The following ADGRB2 variants were observed in gnomAD, a reference collection of about 807,000 sequenced individuals.
ADGRB2 encodes the protein adhesion G protein-coupled receptor B2, also known as brain-specific angiogenesis inhibitor 2.
A neutral mutation model predicts 178.7 loss-of-function variants in ADGRB2; 47 were observed. The observed-to-expected ratio is 0.26, with a 90% CI of 0.21 to 0.34. The LOEUF (loss-of-function observed/expected upper bound fraction) is 0.34, where lower values mean the gene tolerates loss of function less well. Ranked by LOEUF, ADGRB2 falls within the 10% of genes least tolerant of loss-of-function variation. ADGRB2 has a pLI of 1.00. For missense variants in ADGRB2, 1,584 were observed against 2,180.8 expected (o/e 0.73, Z 5.45); for synonymous variants, 870 against 912.4 (o/e 0.95, Z 0.84).
chr1:31,737,887 T>C lies in ADGRB2; in HGVS notation c.2773-132A>G, dbSNP rs1645710510. The C allele has an allele frequency of 4.6e-6, 4 of 867,216 alleles. No homozygotes were observed. The Admixed American group carries it at 6.5e-5, about 14-fold the overall frequency. 53.7% of individuals were successfully genotyped at this position (867,216 alleles called of 1,614,324 possible). ...CAACACCTTCTTGCTGTTGTACTCA[T>C]GTATGCACAGAACAGACCCGGGTAT... On this transcript the variant is annotated intron_variant, in intron 18 of 32. Coordinates refer to ENST00000373658, the MANE Select transcript of ADGRB2 (RefSeq NM_001364857.2).
At position 31,742,827 on chromosome 1, in the gene ADGRB2, G is replaced by A; in HGVS notation, c.1252+11C>T. The A allele has an allele frequency of 6.9e-7, 1 of 1,444,700 alleles. No individual in the cohort carries two copies. The highest frequency in any genetic ancestry group is 9.2e-7 in the Non-Finnish European group (1 of 1,088,090). The allele number at this position is 1,444,700 out of a possible 1,614,324, so 89.5% of individuals were successfully genotyped here. A position where few individuals can be genotyped will look rare whatever the true frequency, so the allele number is the denominator to read the frequency against. ...GCAGCGCCCTCATGGAAGCCCACGGGTGCTACTGACCCGGGCAGGCAGCCA... is the reference window on the plus strand; with the variant it reads ...GCAGCGCCCTCATGGAAGCCCACGGATGCTACTGACCCGGGCAGGCAGCCA... On this transcript the variant is annotated intron_variant, in intron 7 of 32. Transcript: ENST00000373658.
In ADGRB2 at chr1:31,740,925, ACT is replaced by A. The variant is rs1491014930; in HGVS notation, c.1795-386_1795-385del. On this transcript the variant is annotated intron_variant, in intron 11 of 32. Coordinates refer to ENST00000373658, the MANE Select transcript of ADGRB2 (RefSeq NM_001364857.2). The surrounding 1 kb of genome is among the most constrained non-coding windows in gnomAD (Gnocchi z 5.9). The stretch of plus-strand genomic sequence containing the variant: ...CACACACACACACACACACACACAC[ACT>A]GTCTTTCTCTCTCTCACTCTCTCTC... Among the ~76,000 whole-genome samples, 972 of 138,466 alleles carry A rather than the reference ACT, an allele frequency of 7.0e-3. 4 individuals are homozygous for A. The highest frequency in any genetic ancestry group is 9.5e-3 in the Non-Finnish European group (612 of 64,574). The allele number at this position is 138,466 out of a possible 152,430, so 90.8% of individuals were successfully genotyped here. A position where few individuals can be genotyped will look rare whatever the true frequency, so the allele number is the denominator to read the frequency against.
rs1299080347 is a variant in ADGRB2 at position 31,744,809 on chromosome 1, T to G, written c.839-78A>C. The stretch of plus-strand genomic sequence containing the variant: ...TACAGTGGCACAGTGAAGGCAGCCT[T>G]CCTTGCCCTCCGCCTGAGGGCCTGG... On this transcript the variant is annotated intron_variant, in intron 4 of 32. Coordinates refer to ENST00000373658, the MANE Select transcript of ADGRB2 (RefSeq NM_001364857.2). The surrounding 1 kb of genome is among the most constrained non-coding windows in gnomAD (Gnocchi z 6.7). The G allele has an allele frequency of 6.9e-7, 1 of 1,456,970 alleles. No individual in the cohort carries two copies. Among genetic ancestry groups the G allele is most frequent in the Non-Finnish European group, 9.6e-7 (1 of 1,043,416 alleles). The allele number at this position is 1,456,970 out of a possible 1,614,324, so 90.3% of individuals were successfully genotyped here. A position where few individuals can be genotyped will look rare whatever the true frequency, so the allele number is the denominator to read the frequency against.
At chr1:31,739,701 G>A in intron 14 of ADGRB2, 66 bp from the exon 15 acceptor site, 2 of 1,500,728 alleles carry the variant, frequency 1.3e-6, no homozygotes, top group Non-Finnish European at 1.8e-6. Flanking sequence ...CAGACCAGGG[G>A]AAGAGACAGA....
chr1:31,737,443 G>C lies in ADGRB2; in HGVS notation c.2965C>G (p.Arg989Gly). The change falls in exon 20 of 33, where the codon CGG becomes GGG. Residue 989 changes from arginine (R) to glycine (G), a missense_variant. Arg to Gly is a moderately radical substitution (Grantham distance 125, BLOSUM62 -2). This residue lies in a region of ADGRB2 where 865 missense variants were observed against 1,192.8 expected (regional missense o/e 0.73). Coordinates refer to ENST00000373658, the MANE Select transcript of ADGRB2 (RefSeq NM_001364857.2). Reference protein sequence around the residue: ...SNILILVGQSRVLSKGVCTMT... With the variant: ...SNILILVGQSGVLSKGVCTMT... ...TCTGCACCTGCCTTGCTCAGCACCC[G>C]GGACTGGCCCACGAGGATCAGGATG... The C allele has an allele frequency of 6.2e-7, 1 of 1,614,032 alleles. No individual in the cohort carries two copies. Among genetic ancestry groups the C allele is most frequent in the Non-Finnish European group, 8.5e-7 (1 of 1,179,946 alleles).
intron 25 of ADGRB2, among the ~76,000 whole-genome samples, chr1:31,734,617 C>G (rs1055284151): frequency 5.3e-5 from 8 of 152,192 alleles, no homozygotes; most frequent in Admixed American, 4.6e-4. Flanking sequence ...TTGTTTTACC[C>G]TTGCATAGCT....
Position 31,727,190 on chromosome 1 carries a change from G to A in ADGRB2, c.*230C>T. 2.0e-6 allele frequency: 1 copy of A among 492,444 alleles called. No homozygotes were observed. Among genetic ancestry groups the A allele is most frequent in the Non-Finnish European group, 3.5e-6 (1 of 286,656 alleles). The allele number at this position is 492,444 out of a possible 1,614,324, so 30.5% of individuals were successfully genotyped here. On this transcript the variant is annotated 3_prime_UTR_variant, in exon 33 of 33. Transcript: ENST00000373658. This position sits in a 1 kb window ranked among gnomAD's most constrained non-coding sequence, Gnocchi z 4.4. ...AGCCCGGGACAGGGACGGACAGGCT[G>A]GGCTGAAGATGGGGTTCCAGTGGCT...
At chr1:31,746,188 C>G (rs1288507267) in intron 4 of ADGRB2, among the ~76,000 whole-genome samples, 1 of 152,168 alleles carries the variant, frequency 6.6e-6, no homozygotes, top group South Asian at 2.1e-4. Context: ...CGTGAGGACC[C>G]CCTGCCAGGA....
intron 4 of ADGRB2, among the ~76,000 whole-genome samples, chr1:31,747,995 C>T (rs1646363245): frequency 6.6e-6 from 1 of 152,246 alleles, no homozygotes. Context: ...CCTGTGTGGG[C>T]TTCCTGCCCA....
At position 31,728,363 on chromosome 1, in the gene ADGRB2, C is replaced by T; in HGVS notation, c.4417-83G>A. 5 of 1,422,954 alleles carry T rather than the reference C, an allele frequency of 3.5e-6. No individual in the cohort carries two copies. The highest frequency in any genetic ancestry group is 3.9e-6 in the Non-Finnish European group (4 of 1,023,148). 88.1% of individuals were successfully genotyped at this position (1,422,954 alleles called of 1,614,324 possible). A position where few individuals can be genotyped will look rare whatever the true frequency, so the allele number is the denominator to read the frequency against. On this transcript the variant is annotated intron_variant, in intron 30 of 32. Coordinates refer to ENST00000373658, the MANE Select transcript of ADGRB2 (RefSeq NM_001364857.2). This position sits in a 1 kb window ranked among gnomAD's most constrained non-coding sequence, Gnocchi z 6.7. ...ACCCAGGGCACTCAGCACCCCAAGC[C>T]CCCCACATCCCTCCCTGCTGCCAGC... is the stretch of plus-strand genomic sequence containing the variant.
intron 28 of ADGRB2, 123 bp downstream of exon 28, chr1:31,731,992 G>T: frequency 1.5e-6 from 2 of 1,303,386 alleles, no homozygotes; most frequent in East Asian, 2.3e-5. Context: ...GCTCAGGGCT[G>T]TCTAACTTCG....
Position 31,727,147 on chromosome 1 carries a change from T to A in ADGRB2, c.*273A>T. ...AGAGTGAAGTTTATTCCCAACAAAG[T>A]TCCCCTCCCCCCTCCCCAGCCCGGG... On this transcript the variant is annotated 3_prime_UTR_variant, in exon 33 of 33. Coordinates refer to ENST00000373658, the MANE Select transcript of ADGRB2 (RefSeq NM_001364857.2). This position sits in a 1 kb window ranked among gnomAD's most constrained non-coding sequence, Gnocchi z 4.4. 7.3e-6 allele frequency: 3 copies of A among 408,166 alleles called. No homozygotes were observed. The South Asian group carries it at 1.1e-4, about 15-fold the overall frequency. The allele number at this position is 408,166 out of a possible 1,614,324, so 25.3% of individuals were successfully genotyped here. A position where few individuals can be genotyped will look rare whatever the true frequency, so the allele number is the denominator to read the frequency against.
chr1:31,762,444 G>C (rs1647067295), intron 1 of ADGRB2, among the ~76,000 whole-genome samples: 1 of 152,126 alleles, frequency 6.6e-6, no homozygotes, highest in African/African-American at 2.4e-5. Context: ...TTTGCCCCCA[G>C]CCCTCACCTC....
At position 31,735,552 on chromosome 1, in the gene ADGRB2, G is replaced by A. The variant is rs765866313; in HGVS notation, c.3353+28C>T. On this transcript the variant is annotated intron_variant, in intron 24 of 32. Transcript: ENST00000373658. This position sits in a 1 kb window ranked among gnomAD's most constrained non-coding sequence, Gnocchi z 6.0. ...TCCCTCCCTGCACCATTTCCAGAAA[G>A]GCCAAGTCTCAGAGGCCCCCCCCTT... 13 of 1,608,714 alleles carry A rather than the reference G, an allele frequency of 8.1e-6. No homozygotes were observed. Among genetic ancestry groups the A allele is most frequent in the Non-Finnish European group, 1.1e-5 (13 of 1,175,308 alleles).
At chr1:31,730,216 G>T (rs993110072) in intron 29 of ADGRB2, among the ~76,000 whole-genome samples, 4 of 152,240 alleles carry the variant, frequency 2.6e-5, no homozygotes, top group Non-Finnish European at 5.9e-5. Flanking sequence ...ACCCGGAGGG[G>T]TTTGCTTTTC....
rs200885964 is a variant in ADGRB2, at chr1:31,740,783, G to A, written c.1795-242C>T. The stretch of plus-strand genomic sequence containing the variant: ...ATAGAAACACCTAGAGAAAAAAGGT[G>A]TTCAGATGTACATATAAAAGATATA... On this transcript the variant is annotated intron_variant, in intron 11 of 32. Transcript: ENST00000373658. This position sits in a 1 kb window ranked among gnomAD's most constrained non-coding sequence, Gnocchi z 5.9. Among the ~76,000 whole-genome samples the A allele has an allele frequency of 2.0e-5, 3 of 152,122 alleles. No individual in the cohort carries two copies. The East Asian group carries it at 5.8e-4, about 29-fold the overall frequency.
intron 6 of ADGRB2, chr1:31,743,342 A>C (rs1646090064): frequency 1.6e-5 from 4 of 244,230 alleles, no homozygotes; most frequent in East Asian, 7.8e-5. Flanking sequence ...ACGCCATTCC[A>C]CCCCTCCCCA....
At chr1:31,739,761 TACAA>T in intron 14 of ADGRB2, 126 bp from the exon 15 acceptor site, 1 of 1,244,488 alleles carries the variant, frequency 8.0e-7, no homozygotes, top group Non-Finnish European at 1.1e-6. Context: ...CCGAAGTTGG[TACAA>T]ACACAGAGAC....
chr1:31,735,178 C>A lies in ADGRB2; in HGVS notation c.3452+5G>T. The A allele has an allele frequency of 7.1e-7, 1 of 1,410,552 alleles. No individual in the cohort carries two copies. The allele number at this position is 1,410,552 out of a possible 1,614,324, so 87.4% of individuals were successfully genotyped here. A position where few individuals can be genotyped will look rare whatever the true frequency, so the allele number is the denominator to read the frequency against. On this transcript the variant is annotated splice_donor_5th_base_variant and intron_variant, in intron 25 of 32. Transcript: ENST00000373658. This position sits in a 1 kb window ranked among gnomAD's most constrained non-coding sequence, Gnocchi z 6.0. ...CCCCACCGCCCCCCAGGGGGCACGA[C>A]TAACATGGCGTTCCTGGCCGAGGCT...
Sources: gnomAD v4.1 joint callset for allele counts (sites outside exome capture counted in the v4.1 genomes callset) on GRCh38, gnomAD v4.1.1 for gene constraint, gnomAD v4.1.1 regional missense constraint, Gnocchi (gnomAD v3.1) non-coding constraint, MANE v1.5 for transcripts, NCBI Gene and HGNC (gene_info 2026-07-23, HGNC 2026-07-21) for gene names.